The following EHMT1 variants were observed in gnomAD, a reference collection of about 807,000 sequenced individuals.
The protein encoded by EHMT1 is euchromatic histone lysine methyltransferase 1, also known as histone-lysine N-methyltransferase EHMT1.
EHMT1 carries 15 observed loss-of-function variants against 147.2 expected under a neutral mutation model. The observed-to-expected ratio is 0.10, with a 90% CI of 0.07 to 0.16. EHMT1 has a LOEUF of 0.16. EHMT1 is among the 10% of genes least tolerant of loss of function. The probability of loss-of-function intolerance (pLI) is 1.00; values close to 1 mark genes in which losing one functional copy is unlikely to be tolerated. For synonymous variants in EHMT1, 795 were observed against 709.6 expected, an observed-to-expected ratio of 1.12 and a Z score of -1.91; for missense variants, 1,587 against 1,772.4, an observed-to-expected ratio of 0.90 and a Z score of 1.88.
At chr9:137,729,578 C>T (rs952485747) in intron 4 of EHMT1, among the ~76,000 whole-genome samples, 5 of 148,380 alleles carry the variant, frequency 3.4e-5, no homozygotes, top group African/African-American at 7.8e-5. Context: ...CAGAGCAAGA[C>T]TCCATCTCAA....
intron 13 of EHMT1, among the ~76,000 whole-genome samples, chr9:137,778,749 C>T (rs1008055755): frequency 1.2e-4 from 19 of 152,210 alleles, no homozygotes; most frequent in Non-Finnish European, 5.9e-5. Flanking sequence ...TTGTGTTAGT[C>T]TGCTTTTGTG....
intron 18 of EHMT1, among the ~76,000 whole-genome samples, 165 bp from the exon 19 acceptor site, chr9:137,811,296 C>T (rs1954464056): frequency 6.6e-6 from 1 of 152,124 alleles, no homozygotes; most frequent in African/African-American, 2.4e-5. Flanking sequence ...GCGCTAGGTT[C>T]CCATCCGGTG....
chr9:137,736,672 C>T (rs889288350), intron 4 of EHMT1, among the ~76,000 whole-genome samples: 1 of 152,236 alleles, frequency 6.6e-6, no homozygotes, highest in African/African-American at 2.4e-5. Context: ...GGGTGGATCA[C>T]TTGAGGTCAG....
At position 137,754,271 on chromosome 9, in the gene EHMT1, A is replaced by G. The variant is rs763347086; in HGVS notation, c.1349A>G (p.Lys450Arg). The change falls in exon 8 of 27, where the codon AAG (lysine) becomes AGG (arginine). Residue 450 changes from lysine (K) to arginine (R), a missense_variant. Physicochemically the swap from Lys to Arg is conservative, Grantham distance 26. This residue lies in a region of EHMT1 where 810 missense variants were observed against 673.0 expected (regional missense o/e 1.20). Transcript: ENST00000460843. The part of the protein sequence containing the change: ...PARKRRRRSR[K>R]KPSGALGSES... ...AGGAAAAGGAGGCGGAGAAGTAGAA[A>G]GAAGCCCAGCGGTGCCCTCGGTAAA... is the stretch of plus-strand genomic sequence containing the variant. The G allele has an allele frequency of 6.2e-7, 1 of 1,614,108 alleles. No homozygotes were observed. The highest frequency in any genetic ancestry group is 8.5e-7 in the Non-Finnish European group (1 of 1,179,986).
At chr9:137,726,619 G>GCTGCTGGGGCACGTGCCCAGCAGTGGAA (rs1185092174) in intron 3 of EHMT1, among the ~76,000 whole-genome samples, 2 of 152,150 alleles carry the variant, frequency 1.3e-5, no homozygotes, top group Non-Finnish European at 2.9e-5. Flanking sequence ...TGCTTTCAGT[G>GCTGCTGGGGCACGTGCCCAGCAGTGGAA]CTGCTGGGGC....
At chr9:137,669,336 G>GCACTCACCTCCACCCAA (rs1564562348) in intron 1 of EHMT1, among the ~76,000 whole-genome samples, 1 of 22,186 alleles carries the variant, frequency 4.5e-5, no homozygotes, top group African/African-American at 2.3e-4. Context: ...CACAGCACGT[G>GCACTCACCTCCACCCAA]GACCCCACAC....
At chr9:137,783,412 C>G (rs1377690247) in intron 15 of EHMT1, among the ~76,000 whole-genome samples, 1 of 152,216 alleles carries the variant, frequency 6.6e-6, no homozygotes, top group Non-Finnish European at 1.5e-5. Context: ...CCCAGTAATT[C>G]CTTTCTGCTC....
intron 3 of EHMT1, among the ~76,000 whole-genome samples, chr9:137,726,142 T>C (rs1946606234): frequency 6.6e-6 from 1 of 152,028 alleles, no homozygotes; most frequent in South Asian, 2.1e-4. Context: ...AATATCAAAC[T>C]TAACCATTTT....
rs1041168066 is a variant in EHMT1, at chr9:137,711,042, G to A, written c.85+12G>A. The A allele has an allele frequency of 1.9e-6, 3 of 1,584,322 alleles. No individual in the cohort carries two copies. Among genetic ancestry groups the A allele is most frequent in the Non-Finnish European group, 1.7e-6 (2 of 1,166,140 alleles). Reference sequence around the variant, plus strand: ...GCTGCTGGGAGAAGGTGAGGGCGGTGTGCACCGAGGGACAGGAGCAGCGCC... The same window carrying A: ...GCTGCTGGGAGAAGGTGAGGGCGGTATGCACCGAGGGACAGGAGCAGCGCC... On this transcript the variant is annotated intron_variant, in intron 2 of 26. Coordinates refer to ENST00000460843, the MANE Select transcript of EHMT1 (RefSeq NM_024757.5).
chr9:137,754,424 A>C, intron 8 of EHMT1, 133 bp downstream of exon 8: 1 of 1,325,446 alleles, frequency 7.5e-7, no homozygotes, highest in Non-Finnish European at 1.0e-6. Context: ...AAATGTTTGA[A>C]ATGACTTTGT....
intron 1 of EHMT1, among the ~76,000 whole-genome samples, chr9:137,623,214 A>C (rs1410807230): frequency 6.8e-6 from 1 of 146,500 alleles, no homozygotes; most frequent in Non-Finnish European, 1.5e-5. Context: ...CTCCGTCTCA[A>C]AAAAAAAAAA....
At chr9:137,619,346 C>T (rs953661125) in intron 1 of EHMT1, among the ~76,000 whole-genome samples, 13 of 151,012 alleles carry the variant, frequency 8.6e-5, no homozygotes, top group African/African-American at 3.2e-4. Context: ...TGTGCCCGCG[C>T]CCCCCACGGA....
intron 1 of EHMT1, among the ~76,000 whole-genome samples, chr9:137,655,767 G>A (rs943461444): frequency 7.2e-5 from 11 of 152,248 alleles, no homozygotes; most frequent in East Asian, 3.9e-4. Context: ...GATCTGGGTC[G>A]CGTGCTCCTT....
At chr9:137,661,108 T>G (rs2134078870) in intron 1 of EHMT1, among the ~76,000 whole-genome samples, 1 of 152,322 alleles carries the variant, frequency 6.6e-6, no homozygotes, top group East Asian at 1.9e-4. Flanking sequence ...CTTTTTTAAA[T>G]TTTTAGTTTG....
intron 3 of EHMT1, among the ~76,000 whole-genome samples, chr9:137,723,555 G>A (rs1249062242): frequency 1.4e-5 from 2 of 146,874 alleles, no homozygotes; most frequent in Admixed American, 6.8e-5. Flanking sequence ...AGCCCGGGGT[G>A]TGTCCGTGTC....
intron 1 of EHMT1, among the ~76,000 whole-genome samples, chr9:137,678,675 T>TTATA (rs1196840584): frequency 6.6e-6 from 1 of 152,044 alleles, no homozygotes; most frequent in Non-Finnish European, 1.5e-5. Context: ...AAAGTTTAGT[T>TTATA]TATAAATCAG....
At chr9:137,788,230 C>T in intron 15 of EHMT1, 1 of 507,662 alleles carries the variant, frequency 2.0e-6, no homozygotes, top group Non-Finnish European at 3.4e-6. Flanking sequence ...GGATGCTCCT[C>T]CCTGGAGTCC....
At position 137,809,190 on chromosome 9, in the gene EHMT1, G is replaced by T. The variant is rs142919521; in HGVS notation, c.2713-2271G>T. On this transcript the variant is annotated intron_variant, in intron 18 of 26. Transcript: ENST00000460843. ...GGGAACAGTGAAGCCCATGCCGGGG[G>T]CTGGCCGTTTGTGGATGAAGATGCT... Among the ~76,000 whole-genome samples the T allele has an allele frequency of 5.0e-3, 761 of 152,328 alleles. 6 individuals are homozygous for T. The highest frequency in any genetic ancestry group is 0.018 in the African/African-American group (739 of 41,572).
At chr9:137,815,837 T>C in intron 22 of EHMT1, 110 bp from the exon 23 acceptor site, 7 of 954,402 alleles carry the variant, frequency 7.3e-6, no homozygotes, top group Non-Finnish European at 1.2e-5. Flanking sequence ...GAAACCATCG[T>C]TTTTATGTCC....
Sources: gnomAD v4.1 joint callset for allele counts (sites outside exome capture counted in the v4.1 genomes callset) on GRCh38, gnomAD v4.1.1 for gene constraint, gnomAD v4.1.1 regional missense constraint, MANE v1.5 for transcripts, NCBI Gene and HGNC (gene_info 2026-07-23, HGNC 2026-07-21) for gene names.